Variants in ANKMY1 observed in about 807,000 individuals in gnomAD.
ANKMY1 encodes the protein ankyrin repeat and MYND domain containing 1, also known as ankyrin repeat and MYND domain-containing protein 1.
In ANKMY1, 98 loss-of-function variants were observed where a neutral mutation model predicts 102.0. The ratio of observed to expected loss-of-function variants is 0.96; its 90% CI spans 0.82 to 1.14. The LOEUF is 1.14. Ranked by LOEUF, ANKMY1 falls within the 50% of genes most tolerant of loss-of-function variation. The pLI, the probability that ANKMY1 is intolerant of heterozygous loss-of-function variation, is 0.00. For missense variants in ANKMY1, 1,330 were observed against 1,347.6 expected (o/e 0.99, Z 0.20); for synonymous variants, 582 against 559.9 (o/e 1.04, Z -0.56).
chr2:240,526,198 C>G (rs369244049), intron 6 of ANKMY1, 31 bp downstream of exon 6: 1 of 1,612,706 alleles, frequency 6.2e-7, no homozygotes, highest in Non-Finnish European at 8.5e-7. Flanking sequence ...TAAGCTCCTG[C>G]GGGCACCAGC....
At chr2:240,548,621 T>C (rs2090910581) in intron 4 of ANKMY1, among the ~76,000 whole-genome samples, 2 of 151,780 alleles carry the variant, frequency 1.3e-5, no homozygotes, top group Admixed American at 6.6e-5. Flanking sequence ...AACCCCATTG[T>C]CTCAGCCCAA....
the ANKMY1 span, among the ~76,000 whole-genome samples, chr2:240,472,459 C>G: frequency 2.6e-5 from 4 of 152,224 alleles, no homozygotes; most frequent in Non-Finnish European, 4.4e-5. Flanking sequence ...CTTAAACCAG[C>G]CTTGTGACTT....
chr2:240,560,671 C>T (rs755812370), upstream of ANKMY1: 25 of 1,507,186 alleles, frequency 1.7e-5, no homozygotes, highest in Admixed American at 4.1e-4. Context: ...AAAGCAGACT[C>T]TTCGGCGGGC....
chr2:240,525,721 C>G lies in ANKMY1; in HGVS notation c.1299G>C (p.Lys433Asn). 2 of 1,614,106 alleles carry G rather than the reference C, an allele frequency of 1.2e-6. No homozygotes were observed. The highest frequency in any genetic ancestry group is 1.7e-6 in the Non-Finnish European group (2 of 1,180,016). The change falls in exon 7 of 18, where the codon AAG becomes AAC. Residue 433 changes from lysine to asparagine, a missense_variant. Coordinates refer to ENST00000401804, the MANE Select transcript of ANKMY1 (RefSeq NM_001282771.3). ...GTATGGTCCGTTCAGCAACATTGGG[C>G]TTGAAGGACTGGGCGGGGTAGTGGA... ...FLLHYPAQSF[K>N]PNVAERTIPE...
intron 5 of ANKMY1, among the ~76,000 whole-genome samples, chr2:240,528,433 G>T (rs565172198): frequency 7.2e-5 from 11 of 152,176 alleles, no homozygotes; most frequent in Middle Eastern, 3.4e-3. Context: ...TCAAAGGCCT[G>T]CCTGGGCCCC....
intron 15 of ANKMY1, among the ~76,000 whole-genome samples, chr2:240,491,196 A>AT (rs1261372896): frequency 6.8e-6 from 1 of 147,516 alleles, no homozygotes; most frequent in Non-Finnish European, 1.5e-5. Flanking sequence ...CTTGGAATAT[A>AT]TTTTTTCATC....
At chr2:240,489,350 G>C (rs1280997721) in intron 15 of ANKMY1, among the ~76,000 whole-genome samples, 1 of 152,128 alleles carries the variant, frequency 6.6e-6, no homozygotes, top group Non-Finnish European at 1.5e-5. Flanking sequence ...CAGCTACTCT[G>C]GAAGCTGAGG....
intron 9 of ANKMY1, among the ~76,000 whole-genome samples, chr2:240,517,863 G>C (rs1237909069): frequency 1.3e-5 from 2 of 152,202 alleles, no homozygotes; most frequent in Admixed American, 1.3e-4. Context: ...TCAGGCCACT[G>C]AAGCTTATTT....
chr2:240,542,136 G>A (rs188366508), intron 4 of ANKMY1, among the ~76,000 whole-genome samples: 10 of 151,178 alleles, frequency 6.6e-5, no homozygotes, highest in African/African-American at 2.4e-4. Context: ...GGAACCCAGG[G>A]GGCAGAGGCT....
intron 15 of ANKMY1, among the ~76,000 whole-genome samples, chr2:240,484,548 TAACTC>T (rs937288879): frequency 2.0e-4 from 31 of 152,130 alleles, no homozygotes; most frequent in African/African-American, 7.5e-4. Flanking sequence ...ATACAAAAAT[TAACTC>T]AAGATGGATT....
chr2:240,504,002 C>T (rs2078654384), intron 13 of ANKMY1, among the ~76,000 whole-genome samples: 2 of 152,230 alleles, frequency 1.3e-5, no homozygotes, highest in African/African-American at 4.8e-5. Context: ...GGTCACAACC[C>T]TGCAACACCT....
Position 240,529,548 on chromosome 2 carries a change from G to A in ANKMY1, c.481-39C>T, listed in dbSNP as rs760262684. 36 of 1,527,748 alleles carry A rather than the reference G, an allele frequency of 2.4e-5. No individual in the cohort carries two copies. The highest frequency in any genetic ancestry group is 5.9e-5 in the Admixed American group (3 of 50,912). The allele number at this position is 1,527,748 out of a possible 1,614,324, so 94.6% of individuals were successfully genotyped here. ...GCAATAGACCGAGGAGAGATAACGC[G>A]ACCCAGCTGCACATGTGATCATGTT... On this transcript the variant is annotated intron_variant, in intron 4 of 17. Transcript: ENST00000401804. The surrounding 1 kb of genome is among the most constrained non-coding windows in gnomAD (Gnocchi z 4.2).
rs1161895492 is a variant in ANKMY1, at chr2:240,488,552, C to T, written c.2807-6291G>A. 2.6e-5 allele frequency among the ~76,000 whole-genome samples: 4 copies of T among 152,108 alleles called. No homozygotes were observed. The East Asian group carries it at 7.7e-4, about 29-fold the overall frequency. Reference sequence around the variant, plus strand: ...GGGATTGTATTGACTCTGTATATTGCTTTTGGTGGTATGGCCATTTTCACA... The same window carrying T: ...GGGATTGTATTGACTCTGTATATTGTTTTTGGTGGTATGGCCATTTTCACA... On this transcript the variant is annotated intron_variant, in intron 15 of 17. Coordinates refer to ENST00000401804, the MANE Select transcript of ANKMY1 (RefSeq NM_001282771.3).
At chr2:240,491,620 A>G (rs1001998852) in intron 15 of ANKMY1, among the ~76,000 whole-genome samples, 24 of 152,098 alleles carry the variant, frequency 1.6e-4, no homozygotes, top group African/African-American at 5.6e-4. Context: ...GAATTACCTC[A>G]CCATTTGTTT....
chr2:240,556,394 CTG>C (rs1414296669), intron 2 of ANKMY1, among the ~76,000 whole-genome samples: 1 of 152,210 alleles, frequency 6.6e-6, no homozygotes, highest in Non-Finnish European at 1.5e-5. Context: ...AAGCCCTGGA[CTG>C]TGGACAGACA....
At position 240,528,179 on chromosome 2, in the gene ANKMY1, C is replaced by T. The variant is rs189469967; in HGVS notation, c.953+858G>A. Among the ~76,000 whole-genome samples, 982 of 151,822 alleles carry T rather than the reference C, an allele frequency of 6.5e-3. 12 individuals carry two copies. Among genetic ancestry groups the T allele is most frequent in the African/African-American group, 0.022 (923 of 41,384 alleles). On this transcript the variant is annotated intron_variant, in intron 5 of 17. Transcript: ENST00000401804. ...GCAGGCACCTGTAATCCCAGCTACT[C>T]GGGAGGCTGAGGCAAAGAACTGCTT...
intron 4 of ANKMY1, among the ~76,000 whole-genome samples, chr2:240,550,726 C>T (rs1317386723): frequency 6.6e-6 from 1 of 151,930 alleles, no homozygotes; most frequent in Non-Finnish European, 1.5e-5. Flanking sequence ...AATATGTGTT[C>T]CAGGATTTAT....
In ANKMY1 at chr2:240,526,377, G is replaced by C. The variant is rs1235334373; in HGVS notation, c.1022C>G (p.Pro341Arg). ...GGAAAGTTGCTCTTTGGGCCCACAG[G>C]GTGCAAAGCCACTGCGCTTCCCCTC... ...ILEGKRSGFA[P>R]CGPKEQLSME... is the part of the protein sequence containing the mutation. Residue 341 changes from proline to arginine, a missense_variant, in exon 6 of 18, where the codon CCC becomes CGC. Physicochemically the swap from Pro to Arg is moderately radical, Grantham distance 103. Transcript: ENST00000401804. 1 of 1,614,218 alleles carries C rather than the reference G, an allele frequency of 6.2e-7. No homozygotes were observed. The highest frequency in any genetic ancestry group is 1.1e-5 in the South Asian group (1 of 91,086).
chr2:240,499,958 C>G lies in ANKMY1; in HGVS notation c.2806G>C (p.Ala936Pro). 1 of 1,611,138 alleles carries G rather than the reference C, an allele frequency of 6.2e-7. No individual in the cohort carries two copies. Among genetic ancestry groups the G allele is most frequent in the Non-Finnish European group, 8.5e-7 (1 of 1,178,660 alleles). Reference protein sequence around the residue: ...DPTWLYLCKRAELIPSHRMKK... With the variant: ...DPTWLYLCKRPELIPSHRMKK... ...GAGCAGAGCAGGGCCCACTGCTCAC[C>G]TCTCTTGCACAGGTACAGCCACGTG... Residue 936 changes from alanine (A) to proline (P), a missense_variant and splice_region_variant, in exon 15 of 18, where the codon GCG becomes CCG. Ala to Pro is a conservative substitution (Grantham distance 27, BLOSUM62 -1). Transcript: ENST00000401804. The surrounding 1 kb of genome is among the most constrained non-coding windows in gnomAD (Gnocchi z 4.2).
Sources: allele counts gnomAD v4.1 joint callset (sites outside exome capture counted in the v4.1 genomes callset), GRCh38; gene constraint gnomAD v4.1.1; non-coding constraint Gnocchi (gnomAD v3.1); transcripts MANE v1.5; gene names NCBI Gene and HGNC (gene_info 2026-07-23, HGNC 2026-07-21).